Variants in CRTAC1 observed in about 807,000 individuals in gnomAD.
CRTAC1 encodes the protein cartilage acidic protein 1.
CRTAC1 carries 37 observed loss-of-function variants against 67.8 expected under a neutral mutation model. The observed-to-expected ratio is 0.55, with a 90% CI of 0.42 to 0.72. CRTAC1 has a LOEUF of 0.72. CRTAC1 is among the 30% of genes least tolerant of loss of function. The probability of loss-of-function intolerance (pLI) is 0.00; values close to 1 mark genes in which losing one functional copy is unlikely to be tolerated. For synonymous variants in CRTAC1, 348 were observed against 371.0 expected, an observed-to-expected ratio of 0.94 and a Z score of 0.71; for missense variants, 780 against 931.6, an observed-to-expected ratio of 0.84 and a Z score of 2.12.
chr10:97,894,464 G>A (rs894774769), intron 11 of CRTAC1, among the ~76,000 whole-genome samples: 10 of 151,220 alleles, frequency 6.6e-5, no homozygotes, highest in Admixed American at 2.6e-4. Context: ...GTGCAATCAC[G>A]GCTCACTGCA....
chr10:98,020,650 C>T (rs1261006633), intron 1 of CRTAC1, among the ~76,000 whole-genome samples: 6 of 152,232 alleles, frequency 3.9e-5, no homozygotes, highest in Admixed American at 6.5e-5. Flanking sequence ...TAAGAGGCAA[C>T]GCCAAGTGGG....
At chr10:97,903,991 C>A (rs1446023567) in intron 7 of CRTAC1, among the ~76,000 whole-genome samples, 1 of 151,664 alleles carries the variant, frequency 6.6e-6, no homozygotes, top group Non-Finnish European at 1.5e-5. Context: ...CTGAAAAGGT[C>A]TAAAAAGCTG....
chr10:97,911,746 A>G (rs7916220), intron 5 of CRTAC1, among the ~76,000 whole-genome samples: 3,544 of 152,324 alleles, frequency 0.023, 127 homozygotes, highest in African/African-American at 0.078. Context: ...TCAAAGGCCA[A>G]TTATTCAGCA....
At chr10:97,951,140 C>T (rs886908740) in intron 2 of CRTAC1, among the ~76,000 whole-genome samples, 2 of 152,196 alleles carry the variant, frequency 1.3e-5, no homozygotes, top group African/African-American at 2.4e-5. Flanking sequence ...GCATTTCCAC[C>T]TCCTCTGTCC....
chr10:97,921,041 G>A lies in CRTAC1; in HGVS notation c.558+2223C>T, dbSNP rs150849779. Among the ~76,000 whole-genome samples the A allele has an allele frequency of 1.8e-4, 27 of 152,238 alleles. No homozygotes were observed. In the East Asian group the frequency reaches 5.0e-3, roughly 28 times the overall value. On this transcript the variant is annotated intron_variant, in intron 4 of 14. Coordinates refer to ENST00000370597, the MANE Select transcript of CRTAC1 (RefSeq NM_018058.7). ...GAACAGCACATGGCAGAGTGGGGGC[G>A]GGGCTGAGGCATTTATGGAGCAAAA...
chr10:97,934,639 G>A, intron 3 of CRTAC1, among the ~76,000 whole-genome samples: 1 of 152,188 alleles, frequency 6.6e-6, no homozygotes. Flanking sequence ...TCAGGGTGGG[G>A]AGCGGAGCAC....
intron 2 of CRTAC1, among the ~76,000 whole-genome samples, chr10:97,996,611 T>C (rs1842575424): frequency 6.6e-6 from 1 of 152,130 alleles, no homozygotes. Flanking sequence ...TGTGGAGAAA[T>C]AGGAACACTT....
chr10:97,895,306 C>A lies in CRTAC1; in HGVS notation c.1425G>T (p.Arg475Ser). 6.2e-7 allele frequency: 1 copy of A among 1,613,856 alleles called. No individual in the cohort carries two copies. The highest frequency in any genetic ancestry group is 8.5e-7 in the Non-Finnish European group (1 of 1,180,004). ...LYTKKSGAHL[R>S]IIDGGSGYLC... is the part of the protein sequence containing the mutation. Reference sequence around the variant, plus strand: ...GGTAGCCTGAGCCCCCGTCGATGATCCTCAGGTGGGCCCCACTCTTCTTGG... The same window carrying A: ...GGTAGCCTGAGCCCCCGTCGATGATACTCAGGTGGGCCCCACTCTTCTTGG... Residue 475 changes from arginine to serine, a missense_variant, in exon 11 of 15, where the codon AGG becomes AGT. Coordinates refer to ENST00000370597, the MANE Select transcript of CRTAC1 (RefSeq NM_018058.7). The surrounding 1 kb of genome is among the most constrained non-coding windows in gnomAD (Gnocchi z 4.2).
At chr10:97,914,804 TG>T (rs1429978151) in intron 5 of CRTAC1, among the ~76,000 whole-genome samples, 2 of 152,124 alleles carry the variant, frequency 1.3e-5, no homozygotes. Context: ...CTCAAGCAGC[TG>T]GGGAAGTTGG....
At chr10:97,997,268 TAAATA>T (rs1564928532) in intron 2 of CRTAC1, among the ~76,000 whole-genome samples, 1 of 128,600 alleles carries the variant, frequency 7.8e-6, no homozygotes, top group East Asian at 2.1e-4. Flanking sequence ...ATAATAATAA[TAAATA>T]AAATAAAATA....
At chr10:97,971,443 G>A (rs2136653283) in intron 2 of CRTAC1, among the ~76,000 whole-genome samples, 1 of 152,364 alleles carries the variant, frequency 6.6e-6, no homozygotes, top group Admixed American at 6.5e-5. Context: ...TAAGAAGTAG[G>A]TAGAGTAGTC....
intron 3 of CRTAC1, among the ~76,000 whole-genome samples, chr10:97,933,473 G>C (rs546019569): frequency 1.4e-4 from 22 of 152,348 alleles, no homozygotes; most frequent in African/African-American, 5.3e-4. Flanking sequence ...TGTTCTTCCT[G>C]GGATTTATTT....
intron 8 of CRTAC1, among the ~76,000 whole-genome samples, chr10:97,901,107 GAT>G (rs2050533379): frequency 2.1e-5 from 3 of 140,382 alleles, no homozygotes; most frequent in African/African-American, 8.7e-5. Flanking sequence ...TCCTGGTAGT[GAT>G]TGGACCCCGT....
intron 2 of CRTAC1, among the ~76,000 whole-genome samples, chr10:98,001,352 G>A (rs1345861164): frequency 1.3e-5 from 2 of 152,110 alleles, no homozygotes; most frequent in African/African-American, 4.8e-5. Flanking sequence ...CTCTGTGAAC[G>A]CAAGCAGGTC....
At chr10:97,989,759 C>T (rs1049599729) in intron 2 of CRTAC1, among the ~76,000 whole-genome samples, 9 of 152,104 alleles carry the variant, frequency 5.9e-5, no homozygotes, top group Non-Finnish European at 8.8e-5. Context: ...ATGAGAAAAC[C>T]AAAACTCAGA....
chr10:97,879,700 G>T lies in CRTAC1; in HGVS notation c.1819+549C>A, dbSNP rs2050186905. On this transcript the variant is annotated intron_variant, in intron 14 of 14. Transcript: ENST00000370597. ...GATGGGATTTAAAGTGCATATAACT[G>T]AAGGCAAAGTCCAAGGCCTAGAGAA... 2.6e-6 allele frequency: 4 copies of T among 1,549,662 alleles called. No individual in the cohort carries two copies. In the African/African-American group the frequency reaches 4.1e-5, roughly 16 times the overall value.
intron 11 of CRTAC1, among the ~76,000 whole-genome samples, chr10:97,889,936 C>T (rs2050343374): frequency 6.6e-6 from 1 of 152,194 alleles, no homozygotes; most frequent in South Asian, 2.1e-4. Flanking sequence ...GCTTCTCACC[C>T]CAACTGCTCA....
At chr10:98,006,556 A>G (rs574979594) in intron 2 of CRTAC1, among the ~76,000 whole-genome samples, 19 of 152,194 alleles carry the variant, frequency 1.2e-4, no homozygotes, top group Non-Finnish European at 2.4e-4. Context: ...CTGAAACACA[A>G]CACAAACCGA....
chr10:97,916,534 T>C (rs557399005), intron 5 of CRTAC1, among the ~76,000 whole-genome samples: 100 of 152,290 alleles, frequency 6.6e-4, no homozygotes, highest in Non-Finnish European at 1.2e-3. Context: ...GACTTTGAGA[T>C]GATGCCACCA....
Sources: gnomAD v4.1 joint callset for allele counts (sites outside exome capture counted in the v4.1 genomes callset) on GRCh38, gnomAD v4.1.1 for gene constraint, Gnocchi (gnomAD v3.1) non-coding constraint, MANE v1.5 for transcripts, NCBI Gene and HGNC (gene_info 2026-07-23, HGNC 2026-07-21) for gene names.